The following PRRC2B variants were observed in gnomAD, a reference collection of about 807,000 sequenced individuals.
The protein encoded by PRRC2B is proline rich coiled-coil 2B, also known as protein PRRC2B.
A neutral mutation model predicts 242.3 loss-of-function variants in PRRC2B; 68 were observed. The observed-to-expected ratio is 0.28, with a 90% confidence interval of 0.23 to 0.34. The LOEUF (loss-of-function observed/expected upper bound fraction) is 0.34, where lower values mean the gene tolerates loss of function less well. Among genes scored for constraint, PRRC2B ranks in the 10% least tolerant of loss-of-function variants. PRRC2B has a pLI of 1.00. For synonymous variants in PRRC2B, 1,228 were observed against 1,173.6 expected (o/e 1.05, Z -0.95); for missense variants, 2,835 against 2,954.8 (o/e 0.96, Z 0.94).
chr9:131,471,823 G>A (rs1943555923), intron 14 of PRRC2B, among the ~76,000 whole-genome samples: 1 of 152,206 alleles, frequency 6.6e-6, no homozygotes, highest in Non-Finnish European at 1.5e-5. Flanking sequence ...TGAAAAGACT[G>A]TATTCTCTGG....
At chr9:131,457,283 G>C (rs1218638755) in intron 10 of PRRC2B, among the ~76,000 whole-genome samples, 1 of 152,216 alleles carries the variant, frequency 6.6e-6, no homozygotes. Flanking sequence ...CTGTGATCAA[G>C]AATTAAAATC....
chr9:131,443,437 A>C (rs1225168569), intron 5 of PRRC2B, among the ~76,000 whole-genome samples: 1 of 149,314 alleles, frequency 6.7e-6, no homozygotes, highest in African/African-American at 2.5e-5. Context: ...CGCCTGGCCT[A>C]TTTTTTTATT....
At chr9:131,436,571 C>T (rs749590062) in intron 3 of PRRC2B, 49 bp from the exon 4 acceptor site, 37 of 1,470,430 alleles carry the variant, frequency 2.5e-5, no homozygotes, top group Non-Finnish European at 3.3e-5. Flanking sequence ...AGAGACCTGG[C>T]CAGCGCACTC....
At chr9:131,432,519 T>A in intron 2 of PRRC2B, 98 bp from the exon 3 acceptor site, 1 of 1,196,576 alleles carries the variant, frequency 8.4e-7, no homozygotes, top group Non-Finnish European at 1.2e-6. Context: ...AGCTTTGTTA[T>A]GATCACTTAG....
chr9:131,389,915 G>GTTGTTT (rs1564271137), upstream of PRRC2B, among the ~76,000 whole-genome samples: 3 of 93,472 alleles, frequency 3.2e-5, no homozygotes, highest in African/African-American at 7.5e-5. Flanking sequence ...GAACATGGTT[G>GTTGTTT]TTTTTTTTTT....
At chr9:131,383,094 C>T (rs1374534592) in intron 1 of PRRC2B, among the ~76,000 whole-genome samples, 1 of 152,168 alleles carries the variant, frequency 6.6e-6, no homozygotes, top group Non-Finnish European at 1.5e-5. Flanking sequence ...GAATGTTCCT[C>T]CACAGTCTCC....
In PRRC2B at chr9:131,447,719, G is replaced by A; in HGVS notation, c.1035G>A (p.Glu345=). The A allele has an allele frequency of 6.2e-7, 1 of 1,613,590 alleles. No individual in the cohort carries two copies. Among genetic ancestry groups the A allele is most frequent in the Non-Finnish European group, 8.5e-7 (1 of 1,179,670 alleles). The change falls in exon 9 of 32, where the codon GAG becomes GAA. Residue 345 remains glutamate, a synonymous_variant. Coordinates refer to ENST00000683519, the MANE Select transcript of PRRC2B (RefSeq NM_013318.4). ...TCCGCCCACTAAGGCAGCTGGTGGA[G>A]CGGGCACCACGGCCCACCATTATCA... ...RPLRPLRQLV[E]RAPRPTIINA...
intron 13 of PRRC2B, among the ~76,000 whole-genome samples, chr9:131,470,430 C>G (rs567689799): frequency 1.3e-5 from 2 of 152,246 alleles, no homozygotes; most frequent in South Asian, 2.1e-4. Context: ...CAGATGGTAG[C>G]TGCAGACAAG....
intron 1 of PRRC2B, among the ~76,000 whole-genome samples, chr9:131,421,393 G>A (rs544291930): frequency 6.6e-6 from 1 of 152,328 alleles, no homozygotes; most frequent in Admixed American, 6.5e-5. Context: ...GGATTTCGTG[G>A]TGATGGTTCT....
intron 1 of PRRC2B, among the ~76,000 whole-genome samples, chr9:131,427,246 C>T (rs765749066): frequency 1.3e-5 from 2 of 152,214 alleles, no homozygotes; most frequent in South Asian, 2.1e-4. Context: ...CCAGCTCAGT[C>T]AGCGTCTTTT....
intron 1 of PRRC2B, among the ~76,000 whole-genome samples, chr9:131,376,070 C>T (rs532675246): frequency 2.9e-4 from 41 of 140,384 alleles, no homozygotes; most frequent in African/African-American, 1.1e-3. Context: ...AAAAAAAGGC[C>T]GGGCATGGTG....
chr9:131,427,769 A>C (rs1292634858), intron 1 of PRRC2B, among the ~76,000 whole-genome samples: 3 of 152,218 alleles, frequency 2.0e-5, no homozygotes, highest in African/African-American at 7.2e-5. Context: ...GCTACCACCA[A>C]GTGCCTTTTA....
At position 131,420,481 on chromosome 9, in the gene PRRC2B, C is replaced by CTTTCTTTCT. The variant is rs1564278580; in HGVS notation, c.-51-9610_-51-9602dup. Among the ~76,000 whole-genome samples, 6 of 13,440 alleles carry CTTTCTTTCT rather than the reference C, an allele frequency of 4.5e-4. 1 individual carries two copies. The highest frequency in any genetic ancestry group is 0.011 in the South Asian group (2 of 186). The allele number at this position is 13,440 out of a possible 152,430, so 8.8% of individuals were successfully genotyped here. ...TCTTTCTTTCTTTCTTTCTTTCTTT[C>CTTTCTTTCT]TTTCTTTCTTTCTTTTTTTTTTTTT... On this transcript the variant is annotated intron_variant, in intron 1 of 31. Coordinates refer to ENST00000683519, the MANE Select transcript of PRRC2B (RefSeq NM_013318.4).
chr9:131,420,470 T>TTTCTTTCTTTCTTTCTTTCTTTCC (rs1564278533), intron 1 of PRRC2B, among the ~76,000 whole-genome samples: 2 of 12,298 alleles, frequency 1.6e-4, no homozygotes, highest in African/African-American at 3.4e-4. Context: ...TCTTTCTTTC[T>TTTCTTTCTTTCTTTCTTTCTTTCC]TTCTTTCTTT....
chr9:131,432,588 G>A (rs373208566), intron 2 of PRRC2B, 29 bp from the exon 3 acceptor site: 83 of 1,602,914 alleles, frequency 5.2e-5, no homozygotes, highest in Non-Finnish European at 6.6e-5. Context: ...TTTTTGCATG[G>A]TGTCTGTTCC....
intron 10 of PRRC2B, among the ~76,000 whole-genome samples, chr9:131,458,047 G>A (rs1943133643): frequency 6.6e-6 from 1 of 152,006 alleles, no homozygotes; most frequent in Admixed American, 6.6e-5. Context: ...ATTGTGAGGC[G>A]TCCAGACGAG....
chr9:131,431,587 T>TC (rs1022045372), intron 2 of PRRC2B, among the ~76,000 whole-genome samples: 6 of 141,306 alleles, frequency 4.2e-5, no homozygotes, highest in African/African-American at 1.6e-4. Flanking sequence ...AATAAAGAAT[T>TC]TTTTTTTTTT....
intron 1 of PRRC2B, among the ~76,000 whole-genome samples, chr9:131,411,471 C>T (rs1041949051): frequency 6.6e-5 from 10 of 150,652 alleles, no homozygotes; most frequent in South Asian, 2.1e-4. Flanking sequence ...CTCAGCCTCC[C>T]GAGTAGCTGG....
intron 3 of PRRC2B, among the ~76,000 whole-genome samples, chr9:131,435,641 C>CA (rs1838337068): frequency 6.8e-6 from 1 of 146,240 alleles, no homozygotes; most frequent in East Asian, 2.0e-4. Flanking sequence ...AAAAAAAAGC[C>CA]AAAAAATTCT....
Sources: allele counts gnomAD v4.1 joint callset (sites outside exome capture counted in the v4.1 genomes callset), GRCh38; gene constraint gnomAD v4.1.1; transcripts MANE v1.5; gene names NCBI Gene and HGNC (gene_info 2026-07-23, HGNC 2026-07-21).